Variants in PPT1 observed in about 807,000 individuals in gnomAD.
PPT1 encodes palmitoyl-protein thioesterase 1.
PPT1 carries 24 observed loss-of-function variants against 44.0 expected under a neutral mutation model. The ratio of observed to expected loss-of-function variants is 0.54; its 90% CI spans 0.39 to 0.77. The LOEUF (loss-of-function observed/expected upper bound fraction) is 0.77, where lower values mean the gene tolerates loss of function less well. Among genes scored for constraint, PPT1 ranks in the 30% least tolerant of loss-of-function variants. The pLI, the probability that PPT1 is intolerant of heterozygous loss-of-function variation, is 0.00. For synonymous variants in PPT1, 148 were observed against 140.2 expected (o/e 1.06, Z -0.39); for missense variants, 341 against 378.8 (o/e 0.90, Z 0.83).
At chr1:40,071,535 C>G (rs777378618), downstream of PPT1, 1 of 1,603,560 alleles carries the variant, frequency 6.2e-7, no homozygotes, top group Admixed American at 1.7e-5. Context: ...GCTGGATAAG[C>G]GAAGTGCCAC....
At chr1:40,093,575 G>A (rs1649683527) in intron 1 of PPT1, among the ~76,000 whole-genome samples, 1 of 152,094 alleles carries the variant, frequency 6.6e-6, no homozygotes, top group Non-Finnish European at 1.5e-5. Flanking sequence ...TGTTTATCAA[G>A]TAATAACAAG....
chr1:40,074,550 C>T (rs994199817), intron 8 of PPT1, among the ~76,000 whole-genome samples: 3 of 151,768 alleles, frequency 2.0e-5, no homozygotes, highest in African/African-American at 7.3e-5. Flanking sequence ...TCACTGCAAC[C>T]TCCACTTCTC....
intron 5 of PPT1, among the ~76,000 whole-genome samples, chr1:40,083,966 T>C (rs1478139678): frequency 1.3e-5 from 2 of 152,136 alleles, no homozygotes; most frequent in Non-Finnish European, 2.9e-5. Flanking sequence ...GAGGATTGCT[T>C]GAGCCTGGGA....
intron 1 of PPT1, among the ~76,000 whole-genome samples, chr1:40,092,737 G>T (rs1252932739): frequency 6.6e-6 from 1 of 152,154 alleles, no homozygotes. Context: ...AATGGGAAAA[G>T]AAATTAAACA....
Position 40,085,280 on chromosome 1 carries a change from C to A in PPT1, c.536+4130G>T, listed in dbSNP as rs568719789. 3.2e-3 allele frequency among the ~76,000 whole-genome samples: 485 copies of A among 152,308 alleles called. 2 individuals are homozygous for A. Among genetic ancestry groups the A allele is most frequent in the African/African-American group, 0.011 (465 of 41,566 alleles). On this transcript the variant is annotated intron_variant, in intron 5 of 8. Transcript: ENST00000642050. ...TGTCTTTCTCTCTCTCTCTCCCCACCTCGGCTGCCAAACAGGGAAGGGCCC... is the reference window on the plus strand; with the variant it reads ...TGTCTTTCTCTCTCTCTCTCCCCACATCGGCTGCCAAACAGGGAAGGGCCC...
At chr1:40,080,699 C>T (rs1648886920) in intron 5 of PPT1, among the ~76,000 whole-genome samples, 1 of 152,168 alleles carries the variant, frequency 6.6e-6, no homozygotes, top group African/African-American at 2.4e-5. Context: ...GATGGTGAAA[C>T]CCCGTCTCTA....
chr1:40,077,887 G>A (rs1445896352), intron 7 of PPT1, among the ~76,000 whole-genome samples: 1 of 152,168 alleles, frequency 6.6e-6, no homozygotes, highest in Non-Finnish European at 1.5e-5. Flanking sequence ...AGATTAGGCT[G>A]GAAAATGGGG....
intron 3 of PPT1, 130 bp downstream of exon 3, chr1:40,091,915 C>G: frequency 1.7e-6 from 2 of 1,144,692 alleles, no homozygotes; most frequent in Non-Finnish European, 2.5e-6. Context: ...GCTTCTTACA[C>G]AGGAACATTT....
At chr1:40,074,355 CTTT>C (rs979960853) in intron 8 of PPT1, among the ~76,000 whole-genome samples, 172 bp from the exon 9 acceptor site, 4 of 151,872 alleles carry the variant, frequency 2.6e-5, no homozygotes, top group Non-Finnish European at 5.9e-5. Context: ...TTTTCTTTCT[CTTT>C]TTTCTTTTTC....
intron 3 of PPT1, 42 bp downstream of exon 3, chr1:40,092,000 AATC>A (rs1464811018): frequency 6.2e-7 from 1 of 1,609,498 alleles, no homozygotes; most frequent in East Asian, 2.2e-5. Context: ...AAGAAACAAA[AATC>A]AATTCCATAT....
At chr1:40,078,512 T>C (rs2124472157) in intron 7 of PPT1, 48 bp downstream of exon 7, 1 of 1,572,356 alleles carries the variant, frequency 6.4e-7, no homozygotes, top group South Asian at 1.1e-5. Context: ...AGCAGCCCTA[T>C]TTTAATGCCA....
At chr1:40,097,012 G>C in intron 1 of PPT1, 103 bp downstream of exon 1, 9 of 1,598,686 alleles carry the variant, frequency 5.6e-6, no homozygotes, top group Non-Finnish European at 7.7e-6. Flanking sequence ...GCCGCGTGCT[G>C]TGGGACCACG....
At position 40,089,519 on chromosome 1, in the gene PPT1, T is replaced by C. The variant is rs762131152; in HGVS notation, c.434-7A>G. 1.9e-6 allele frequency: 3 copies of C among 1,602,176 alleles called. No homozygotes were observed. In the South Asian group the frequency reaches 3.3e-5, roughly 18 times the overall value. ...CGAGGGAGTCCAAAAACACCTACAG[T>C]GGTAGATGACAAATATCCACTCCTT... is the stretch of plus-strand genomic sequence containing the variant. On this transcript the variant is annotated splice_region_variant and splice_polypyrimidine_tract_variant and intron_variant, in intron 4 of 8. Transcript: ENST00000642050.
At chr1:40,076,200 C>T (rs1480286578) in intron 8 of PPT1, among the ~76,000 whole-genome samples, 1 of 151,978 alleles carries the variant, frequency 6.6e-6, no homozygotes, top group Admixed American at 6.6e-5. Flanking sequence ...CGCACTGGCT[C>T]ACGCCTGTAA....
chr1:40,081,935 A>G (rs1055721347), intron 5 of PPT1, among the ~76,000 whole-genome samples: 12 of 152,194 alleles, frequency 7.9e-5, no homozygotes, highest in African/African-American at 2.9e-4. Flanking sequence ...GCTTTGACCA[A>G]AAGCCTGATA....
chr1:40,072,590 AT>A (rs1408791626), downstream of PPT1: 7 of 153,294 alleles, frequency 4.6e-5, no homozygotes, highest in African/African-American at 1.7e-4. Context: ...GCCTGTGGAA[AT>A]AAACCTTTAT....
chr1:40,084,534 CATT>C (rs768636499), intron 5 of PPT1, among the ~76,000 whole-genome samples: 22 of 152,298 alleles, frequency 1.4e-4, no homozygotes, highest in Non-Finnish European at 2.2e-4. Context: ...CAAAGTTCAT[CATT>C]GTCTCACTTT....
At chr1:40,078,523 T>C (rs753138682) in intron 7 of PPT1, 37 bp downstream of exon 7, 2 of 1,582,096 alleles carry the variant, frequency 1.3e-6, no homozygotes, top group African/African-American at 2.7e-5. Flanking sequence ...TTTAATGCCA[T>C]TTACTCTCCT....
chr1:40,078,831 CT>C, intron 6 of PPT1, 173 bp from the exon 7 acceptor site: 2 of 627,310 alleles, frequency 3.2e-6, no homozygotes, highest in East Asian at 3.2e-5. Flanking sequence ...TTTTTTTTTT[CT>C]TTTTTTCTAA....
Sources: allele counts gnomAD v4.1 joint callset (sites outside exome capture counted in the v4.1 genomes callset), GRCh38; gene constraint gnomAD v4.1.1; transcripts MANE v1.5; gene names NCBI Gene and HGNC (gene_info 2026-07-23, HGNC 2026-07-21).